The following FAM168A variants were observed in gnomAD, a reference collection of about 807,000 sequenced individuals.
FAM168A encodes the protein protein FAM168A.
FAM168A carries 3 observed loss-of-function variants against 28.5 expected under a neutral mutation model. That is an observed-to-expected ratio of 0.11 (90% CI 0.05 to 0.27). The LOEUF is 0.27. Ranked by LOEUF, FAM168A falls within the 10% of genes least tolerant of loss-of-function variation. The pLI is 1.00. For missense variants in FAM168A, 222 were observed against 311.5 expected, an observed-to-expected ratio of 0.71 and a Z score of 2.16; for synonymous variants, 122 against 124.2, an observed-to-expected ratio of 0.98 and a Z score of 0.12.
chr11:73,465,348 T>A (rs1867718375), intron 2 of FAM168A, among the ~76,000 whole-genome samples: 1 of 151,396 alleles, frequency 6.6e-6, no homozygotes, highest in South Asian at 2.1e-4. Flanking sequence ...ACTCCAAAAT[T>A]CTAACAGAAA....
At chr11:73,595,578 G>A (rs1244474448) in intron 1 of FAM168A, among the ~76,000 whole-genome samples, 1 of 151,990 alleles carries the variant, frequency 6.6e-6, no homozygotes, top group East Asian at 1.9e-4. Flanking sequence ...AATGCAATTA[G>A]GTCCATAGAA....
chr11:73,571,946 C>T (rs1305151560), intron 1 of FAM168A, among the ~76,000 whole-genome samples: 3 of 151,102 alleles, frequency 2.0e-5, no homozygotes, highest in Admixed American at 6.6e-5. Context: ...CAGCCACGAC[C>T]CCGTCTGGGA....
chr11:73,517,428 T>C (rs866169015), intron 1 of FAM168A, among the ~76,000 whole-genome samples: 14 of 152,118 alleles, frequency 9.2e-5, no homozygotes, highest in South Asian at 2.1e-4. Flanking sequence ...GAATCCAGAT[T>C]ACCTGACTGC....
chr11:73,546,770 T>G (rs796733965), intron 1 of FAM168A, among the ~76,000 whole-genome samples: 20 of 151,314 alleles, frequency 1.3e-4, no homozygotes, highest in African/African-American at 4.6e-4. Flanking sequence ...TGAAGATGAT[T>G]TTTAGGTAAT....
chr11:73,492,786 C>G (rs1289433258), intron 1 of FAM168A, among the ~76,000 whole-genome samples: 1 of 152,250 alleles, frequency 6.6e-6, no homozygotes, highest in South Asian at 2.1e-4. Flanking sequence ...AAATGTGACT[C>G]AAATACTCAG....
intron 1 of FAM168A, among the ~76,000 whole-genome samples, chr11:73,550,638 G>A (rs1288102726): frequency 6.6e-6 from 1 of 152,064 alleles, no homozygotes; most frequent in African/African-American, 2.4e-5. Flanking sequence ...CTGGGTGACA[G>A]AGTCAGACTC....
chr11:73,597,438 C>G (rs1250258139), intron 1 of FAM168A, among the ~76,000 whole-genome samples: 3 of 151,932 alleles, frequency 2.0e-5, no homozygotes, highest in African/African-American at 7.3e-5. Context: ...ATTAACACTA[C>G]GCAGGGCCCT....
At chr11:73,467,214 C>A (rs1365938094) in intron 2 of FAM168A, among the ~76,000 whole-genome samples, 1 of 151,816 alleles carries the variant, frequency 6.6e-6, no homozygotes, top group African/African-American at 2.4e-5. Flanking sequence ...AAAGATCCTC[C>A]TTTCCTCTAG....
intron 1 of FAM168A, among the ~76,000 whole-genome samples, chr11:73,475,824 G>C (rs1867880785): frequency 6.6e-6 from 1 of 152,188 alleles, no homozygotes; most frequent in Non-Finnish European, 1.5e-5. Flanking sequence ...ACTGCAACCA[G>C]AGTGGGCTGA....
At chr11:73,467,626 C>G (rs544955077) in intron 2 of FAM168A, among the ~76,000 whole-genome samples, 1 of 152,150 alleles carries the variant, frequency 6.6e-6, no homozygotes, top group Admixed American at 6.5e-5. Context: ...TTAGTAAGAA[C>G]GAAGGCAGCC....
intron 2 of FAM168A, among the ~76,000 whole-genome samples, chr11:73,445,183 T>C (rs1285603906): frequency 1.3e-5 from 2 of 150,646 alleles, no homozygotes; most frequent in African/African-American, 4.9e-5. Flanking sequence ...CGCTTGAACC[T>C]GGGAGGTAGA....
At position 73,405,210 on chromosome 11, in the gene FAM168A, G is replaced by C. The variant is rs1866483553; in HGVS notation, c.*1553C>G. On this transcript the variant is annotated 3_prime_UTR_variant, in exon 8 of 8. Coordinates refer to ENST00000356467, the MANE Select transcript of FAM168A (RefSeq NM_015159.3). Reference sequence around the variant, plus strand: ...TCTCCTGGAGGTGGAGTCAGGTACAGGACGGAAGTTCCAGATGTCTTCACA... The same window carrying C: ...TCTCCTGGAGGTGGAGTCAGGTACACGACGGAAGTTCCAGATGTCTTCACA... 1 of 152,246 alleles carries C rather than the reference G, an allele frequency of 6.6e-6. No homozygotes were observed. Among genetic ancestry groups the C allele is most frequent in the African/African-American group, 2.4e-5 (1 of 41,452 alleles). The allele number at this position is 152,246 out of a possible 1,614,324, so 9.4% of individuals were successfully genotyped here.
chr11:73,420,346 G>T (rs145353933), intron 3 of FAM168A, among the ~76,000 whole-genome samples: 20 of 152,302 alleles, frequency 1.3e-4, no homozygotes, highest in Admixed American at 2.6e-4. Flanking sequence ...TCATTAATGT[G>T]TAACAACTTG....
chr11:73,453,723 G>A (rs1867474216), intron 2 of FAM168A, among the ~76,000 whole-genome samples: 1 of 152,130 alleles, frequency 6.6e-6, no homozygotes, highest in South Asian at 2.1e-4. Context: ...AGTCAGACTC[G>A]GGTCTTCAGA....
At chr11:73,575,943 C>T (rs117277502) in intron 1 of FAM168A, among the ~76,000 whole-genome samples, 409 of 152,244 alleles carry the variant, frequency 2.7e-3, no homozygotes, top group Non-Finnish European at 4.0e-3. Context: ...TTATCAGCCT[C>T]TGCCCTCTGT....
intron 2 of FAM168A, among the ~76,000 whole-genome samples, chr11:73,453,686 A>T (rs1757233010): frequency 6.6e-6 from 1 of 152,218 alleles, no homozygotes; most frequent in African/African-American, 2.4e-5. Context: ...AAAGGAACTT[A>T]TTAAAGTTTT....
intron 1 of FAM168A, among the ~76,000 whole-genome samples, chr11:73,559,439 G>A (rs1943931577): frequency 6.6e-6 from 1 of 151,722 alleles, no homozygotes; most frequent in Non-Finnish European, 1.5e-5. Context: ...AGCGACAAGA[G>A]TGAAACTGTC....
At position 73,468,442 on chromosome 11, in the gene FAM168A, C is replaced by A. The variant is rs374076913; in HGVS notation, c.33G>T (p.Gly11=). 52 of 1,614,076 alleles carry A rather than the reference C, an allele frequency of 3.2e-5. 1 individual carries two copies. In the East Asian group the frequency reaches 8.7e-4, roughly 27 times the overall value. Reference sequence around the variant, plus strand: ...TGTTCTTAGGGTTGCCATAAGGAGCCCCAGGCTGCACGGGGCTGTAAACAG... The same window carrying A: ...TGTTCTTAGGGTTGCCATAAGGAGCACCAGGCTGCACGGGGCTGTAAACAG... MNPVYSPVQP[G]APYGNPKNMA... The change falls in exon 2 of 8, where the codon GGG becomes GGT. Residue 11 remains glycine (G), a synonymous_variant. Transcript: ENST00000356467.
chr11:73,594,785 TC>T (rs1397514302), intron 1 of FAM168A, among the ~76,000 whole-genome samples: 21 of 152,108 alleles, frequency 1.4e-4, no homozygotes, highest in Admixed American at 3.9e-4. Flanking sequence ...CACCTCGGCC[TC>T]CCAAAGTGCT....
Sources: gnomAD v4.1 joint callset for allele counts (sites outside exome capture counted in the v4.1 genomes callset) on GRCh38, gnomAD v4.1.1 for gene constraint, MANE v1.5 for transcripts, NCBI Gene and HGNC (gene_info 2026-07-23, HGNC 2026-07-21) for gene names.